FER: variants seen among roughly 807,000 people sequenced by gnomAD.
FER encodes the protein tyrosine-protein kinase Fer.
Under a neutral mutation model 111.0 loss-of-function variants are expected in FER, and 63 were observed. That is an observed-to-expected ratio of 0.57 (90% confidence interval 0.46 to 0.70). FER has a LOEUF of 0.70. Among genes scored for constraint, FER ranks in the 30% least tolerant of loss-of-function variants. The pLI, the probability that FER is intolerant of heterozygous loss-of-function variation, is 0.00. For synonymous variants in FER, 327 were observed against 313.9 expected, an observed-to-expected ratio of 1.04 and a Z score of -0.44; for missense variants, 914 against 954.0, an observed-to-expected ratio of 0.96 and a Z score of 0.55.
chr5:109,041,610 G>C (rs77551994), intron 14 of FER, among the ~76,000 whole-genome samples: 8,907 of 152,244 alleles, frequency 0.059, 397 homozygotes, highest in South Asian at 0.12. Flanking sequence ...AATTGGAGGA[G>C]AGATGTTCAA....
intron 3 of FER, among the ~76,000 whole-genome samples, chr5:108,812,298 C>T (rs949170013): frequency 1.3e-5 from 2 of 152,022 alleles, no homozygotes; most frequent in Admixed American, 1.3e-4. Flanking sequence ...TTATTTTCTC[C>T]TCATTAATTA....
At position 109,169,477 on chromosome 5, in the gene FER, T is replaced by A. The variant is rs929287216; in HGVS notation, c.2049-11270T>A. On this transcript the variant is annotated intron_variant, in intron 17 of 19. Transcript: ENST00000281092. ...AAATTTATTATAAAGTCACCTGGGATATTACTTCATAAACATAGAAAGCAA... is the reference window on the plus strand; with the variant it reads ...AAATTTATTATAAAGTCACCTGGGAAATTACTTCATAAACATAGAAAGCAA... Among the ~76,000 whole-genome samples, 3 of 152,146 alleles carry A rather than the reference T, an allele frequency of 2.0e-5. No individual in the cohort carries two copies. In the South Asian group the frequency reaches 6.2e-4, roughly 32 times the overall value.
intron 15 of FER, among the ~76,000 whole-genome samples, chr5:109,045,585 C>T (rs1771850830): frequency 6.6e-6 from 1 of 152,136 alleles, no homozygotes; most frequent in Non-Finnish European, 1.5e-5. Flanking sequence ...GTAGAAGGGG[C>T]TCACTGCCCA....
chr5:108,900,614 AT>A (rs1461450072), intron 10 of FER, among the ~76,000 whole-genome samples: 1 of 152,212 alleles, frequency 6.6e-6, no homozygotes, highest in East Asian at 1.9e-4. Flanking sequence ...TGTAAATATT[AT>A]TTGAGAGCAG....
At chr5:108,932,772 C>T (rs745697940) in intron 10 of FER, among the ~76,000 whole-genome samples, 1 of 148,316 alleles carries the variant, frequency 6.7e-6, no homozygotes, top group African/African-American at 2.5e-5. Flanking sequence ...CTCTAATGAC[C>T]AGTGATGATG....
intron 17 of FER, among the ~76,000 whole-genome samples, chr5:109,120,264 T>C (rs1750798378): frequency 6.6e-6 from 1 of 152,096 alleles, no homozygotes; most frequent in Non-Finnish European, 1.5e-5. Context: ...TTAATCGGCT[T>C]TGATTTTATT....
rs1759032005 is a variant in FER, at chr5:109,187,636, G to A, written c.*61G>A. Reference sequence around the variant, plus strand: ...TGTCCTCCAGCAGAGTAACATTATTGTTCTCATTAACAATGAATTTATACC... The same window carrying A: ...TGTCCTCCAGCAGAGTAACATTATTATTCTCATTAACAATGAATTTATACC... On this transcript the variant is annotated 3_prime_UTR_variant, in exon 20 of 20. Transcript: ENST00000281092. 1 of 1,578,980 alleles carries A rather than the reference G, an allele frequency of 6.3e-7. No individual in the cohort carries two copies. Among genetic ancestry groups the A allele is most frequent in the Non-Finnish European group, 8.7e-7 (1 of 1,156,008 alleles).
At position 109,022,925 on chromosome 5, in the gene FER, TA is replaced by T. The variant is rs373789116; in HGVS notation, c.1657-14496del. Among the ~76,000 whole-genome samples, 97 of 152,196 alleles carry T rather than the reference TA, an allele frequency of 6.4e-4. 3 individuals are homozygous for T. In the South Asian group the frequency reaches 0.02, roughly 31 times the overall value. ...TTATGCCCTATTATGCTATAGATAA[TA>T]GCTTGGTTTTTAATCTAAGAGCAAT... is the stretch of plus-strand genomic sequence containing the variant. On this transcript the variant is annotated intron_variant, in intron 13 of 19. Transcript: ENST00000281092.
chr5:108,775,761 A>G lies in FER; in HGVS notation c.-60+7523A>G, dbSNP rs368785382. ...AGGAGGAGTTTTAAATATTATGTCC[A>G]TAGGTAGTGAAGGTCAGCATATGTT... On this transcript the variant is annotated intron_variant, in intron 2 of 19. Coordinates refer to ENST00000281092, the MANE Select transcript of FER (RefSeq NM_005246.4). Among the ~76,000 whole-genome samples, 6 of 152,324 alleles carry G rather than the reference A, an allele frequency of 3.9e-5. No individual in the cohort carries two copies. In the East Asian group the frequency reaches 1.2e-3, roughly 29 times the overall value.
At chr5:109,016,327 G>A (rs532273047) in intron 13 of FER, among the ~76,000 whole-genome samples, 16 of 152,110 alleles carry the variant, frequency 1.1e-4, no homozygotes, top group South Asian at 8.3e-4. Flanking sequence ...GAATACTGGA[G>A]GATTAGTTTC....
At chr5:109,060,787 T>TATATATATATATATATAC (rs571418220) in intron 16 of FER, among the ~76,000 whole-genome samples, 2 of 149,706 alleles carry the variant, frequency 1.3e-5, no homozygotes, top group African/African-American at 2.4e-5. Flanking sequence ...TATATATATA[T>TATATATATATATATATAC]ACACACCAAA....
intron 1 of FER, among the ~76,000 whole-genome samples, chr5:108,752,208 C>T (rs1750585611): frequency 6.6e-6 from 1 of 151,918 alleles, no homozygotes; most frequent in Admixed American, 6.6e-5. Context: ...CCAATTTTCC[C>T]TTCCCTCCCT....
At chr5:108,852,359 T>C (rs574849048) in intron 5 of FER, among the ~76,000 whole-genome samples, 80 of 152,292 alleles carry the variant, frequency 5.3e-4, no homozygotes, top group African/African-American at 1.9e-3. Flanking sequence ...TTGAGACAGA[T>C]GGTTAAATTT....
chr5:108,910,957 G>A (rs1205917447), intron 10 of FER, among the ~76,000 whole-genome samples: 2 of 152,074 alleles, frequency 1.3e-5, no homozygotes, highest in African/African-American at 4.8e-5. Flanking sequence ...ACATATGAGT[G>A]TAGGTGTCTT....
intron 10 of FER, among the ~76,000 whole-genome samples, chr5:108,941,261 C>T (rs1199706234): frequency 1.3e-5 from 2 of 152,182 alleles, no homozygotes; most frequent in African/African-American, 2.4e-5. Flanking sequence ...TTATTAACTA[C>T]AGCTCCAACT....
intron 1 of FER, among the ~76,000 whole-genome samples, chr5:108,749,229 C>G (rs1750150249): frequency 6.6e-6 from 1 of 152,158 alleles, no homozygotes; most frequent in Admixed American, 6.5e-5. Flanking sequence ...TCCTCCCGCC[C>G]GCAGCAGAGC....
chr5:109,051,955 G>A, intron 16 of FER: 1 of 1,589,738 alleles, frequency 6.3e-7, no homozygotes, highest in Non-Finnish European at 8.6e-7. Flanking sequence ...GATCAGCAAG[G>A]TCACCTCAAA....
At chr5:108,892,393 G>T (rs548267374) in intron 9 of FER, among the ~76,000 whole-genome samples, 66 of 152,222 alleles carry the variant, frequency 4.3e-4, no homozygotes, top group African/African-American at 1.5e-3. Context: ...TTGTGGTTTT[G>T]ATTTGCATTT....
At position 109,196,742 on chromosome 5, in the gene FER, TTTAA is replaced by T. The variant is rs1759771873; in HGVS notation, c.*9170_*9173del. The T allele has an allele frequency of 6.6e-6, 1 of 152,166 alleles. No individual in the cohort carries two copies. Among genetic ancestry groups the T allele is most frequent in the Non-Finnish European group, 1.5e-5 (1 of 68,032 alleles). 9.4% of individuals were successfully genotyped at this position (152,166 alleles called of 1,614,324 possible). ...TCATTTTTGTAAACTTAGATCATTT[TTTAA>T]TTGTCTTTTCTTTTCCAATAGACCA... On this transcript the variant is annotated 3_prime_UTR_variant, in exon 20 of 20. Coordinates refer to ENST00000281092, the MANE Select transcript of FER (RefSeq NM_005246.4).
Sources: gnomAD v4.1 joint callset for allele counts (sites outside exome capture counted in the v4.1 genomes callset) on GRCh38, gnomAD v4.1.1 for gene constraint, MANE v1.5 for transcripts, NCBI Gene and HGNC (gene_info 2026-07-23, HGNC 2026-07-21) for gene names.